The following ITGA4 variants were observed in gnomAD, a reference collection of about 807,000 sequenced individuals.
ITGA4 encodes the protein integrin subunit alpha 4, also known as integrin alpha-4.
In ITGA4, 63 loss-of-function variants were observed where a neutral mutation model predicts 133.6. The ratio of observed to expected loss-of-function variants is 0.47; its 90% CI spans 0.38 to 0.58. ITGA4 has a LOEUF of 0.58. Ranked by LOEUF, ITGA4 falls within the 20% of genes least tolerant of loss-of-function variation. The pLI, the probability that ITGA4 is intolerant of heterozygous loss-of-function variation, is 0.00. For synonymous variants in ITGA4, 483 were observed against 438.0 expected, an observed-to-expected ratio of 1.10 and a Z score of -1.28; for missense variants, 1,076 against 1,252.7, an observed-to-expected ratio of 0.86 and a Z score of 2.13.
chr2:181,458,471 T>C, intron 2 of ITGA4, 154 bp downstream of exon 2: 1 of 804,992 alleles, frequency 1.2e-6, no homozygotes, highest in South Asian at 1.7e-5. Flanking sequence ...CTTGCCTCCT[T>C]AATATAAAAG....
In ITGA4 at chr2:181,538,137, T is replaced by TATATTAAAATTCTAGTTTGTAC; in HGVS notation, c.*2613_*2634dup. ...GGTTTAAAGCATGGCCACATTTCTTTATATTAAAATTCTAGTTTGTACATT... is the reference window on the plus strand; with the variant it reads ...GGTTTAAAGCATGGCCACATTTCTTTATATTAAAATTCTAGTTTGTACATATTAAAATTCTAGTTTGTACATT... On this transcript the variant is annotated 3_prime_UTR_variant, in exon 28 of 28. Coordinates refer to ENST00000397033, the MANE Select transcript of ITGA4 (RefSeq NM_000885.6). 7.8e-7 allele frequency: 1 copy of TATATTAAAATTCTAGTTTGTAC among 1,287,006 alleles called. No homozygotes were observed. Among genetic ancestry groups the TATATTAAAATTCTAGTTTGTAC allele is most frequent in the Non-Finnish European group, 1.1e-6 (1 of 888,100 alleles). 79.7% of individuals were successfully genotyped at this position (1,287,006 alleles called of 1,614,324 possible).
chr2:181,489,642 T>C (rs1574392225), intron 10 of ITGA4, among the ~76,000 whole-genome samples: 1 of 152,188 alleles, frequency 6.6e-6, no homozygotes, highest in African/African-American at 2.4e-5. Flanking sequence ...TATCGTCAAA[T>C]CATTAAGTGA....
At chr2:181,474,195 T>C (rs1685621652) in intron 2 of ITGA4, among the ~76,000 whole-genome samples, 1 of 152,190 alleles carries the variant, frequency 6.6e-6, no homozygotes, top group Admixed American at 6.5e-5. Flanking sequence ...ACACAAATAA[T>C]TTTTTCTAAC....
At chr2:181,519,781 G>C (rs913608462) in intron 17 of ITGA4, among the ~76,000 whole-genome samples, 1 of 152,084 alleles carries the variant, frequency 6.6e-6, no homozygotes, top group Non-Finnish European at 1.5e-5. Context: ...AATTTGTATA[G>C]CATCACAGAA....
rs1686923312 is a variant in ITGA4, at chr2:181,530,523, G to C, written c.2539-1G>C. The C allele has an allele frequency of 1.9e-6, 3 of 1,610,450 alleles. No homozygotes were observed. Among genetic ancestry groups the C allele is most frequent in the Non-Finnish European group, 2.5e-6 (3 of 1,177,662 alleles). ...ATTTCTCTTGCTTTCTGTCTTCATA[G>C]ACTACTACTGGAGAATGCCACTTTG... On this transcript the variant is annotated splice_acceptor_variant, in intron 23 of 27. Transcript: ENST00000397033. LOFTEE classifies it high-confidence loss of function.
At chr2:181,525,169 T>G (rs2105767317) in intron 20 of ITGA4, 33 bp from the exon 21 acceptor site, 1 of 1,236,780 alleles carries the variant, frequency 8.1e-7, no homozygotes, top group African/African-American at 1.5e-5. Context: ...TTCTGCTTGG[T>G]GAATTCTAAC....
At chr2:181,471,450 A>G (rs989746559) in intron 2 of ITGA4, among the ~76,000 whole-genome samples, 19 of 152,204 alleles carry the variant, frequency 1.2e-4, no homozygotes, top group African/African-American at 4.6e-4. Flanking sequence ...TTCCTACAAG[A>G]TATTAATCAA....
chr2:181,519,384 T>A (rs1030621181), intron 17 of ITGA4, among the ~76,000 whole-genome samples: 1 of 152,152 alleles, frequency 6.6e-6, no homozygotes, highest in Non-Finnish European at 1.5e-5. Flanking sequence ...TTAACGCATG[T>A]ATTCATAAAA....
intron 4 of ITGA4, among the ~76,000 whole-genome samples, chr2:181,477,066 C>T (rs1331715345): frequency 6.6e-6 from 1 of 152,048 alleles, no homozygotes; most frequent in Admixed American, 6.6e-5. Context: ...TACATCAAAC[C>T]CCTACAACAC....
intron 7 of ITGA4, 118 bp downstream of exon 7, chr2:181,481,801 A>G (rs16867429): frequency 0.021 from 8,562 of 404,650 alleles, 177 homozygotes; most frequent in Non-Finnish European, 0.025. Context: ...AATGATGAAC[A>G]GATTATTACA....
chr2:181,469,857 T>C (rs946865852), intron 2 of ITGA4, among the ~76,000 whole-genome samples: 4 of 151,868 alleles, frequency 2.6e-5, no homozygotes, highest in Non-Finnish European at 5.9e-5. Flanking sequence ...CAGGTAGGAA[T>C]TGAACAATGA....
intron 10 of ITGA4, among the ~76,000 whole-genome samples, chr2:181,491,599 T>G (rs1686049343): frequency 6.6e-6 from 1 of 152,238 alleles, no homozygotes; most frequent in Non-Finnish European, 1.5e-5. Flanking sequence ...GGCTTGTTAT[T>G]TTTTTCATGT....
In ITGA4 at chr2:181,531,792, A is replaced by T. The variant is rs369168546; in HGVS notation, c.2784+16A>T. 5 of 1,577,238 alleles carry T rather than the reference A, an allele frequency of 3.2e-6. No homozygotes were observed. Among genetic ancestry groups the T allele is most frequent in the Non-Finnish European group, 4.3e-6 (5 of 1,163,042 alleles). Reference sequence around the variant, plus strand: ...TTTAGAAATGGTAAGTAAGTCTAAAACATTGACAACTTGGTGGCTAAGTTT... The same window carrying T: ...TTTAGAAATGGTAAGTAAGTCTAAATCATTGACAACTTGGTGGCTAAGTTT... On this transcript the variant is annotated intron_variant, in intron 25 of 27. Coordinates refer to ENST00000397033, the MANE Select transcript of ITGA4 (RefSeq NM_000885.6).
intron 17 of ITGA4, among the ~76,000 whole-genome samples, chr2:181,520,620 C>T (rs1686698024): frequency 6.6e-6 from 1 of 152,090 alleles, no homozygotes; most frequent in Admixed American, 6.6e-5. Context: ...CTTAAAATTT[C>T]TTGAGGCAGC....
intron 2 of ITGA4, among the ~76,000 whole-genome samples, chr2:181,463,799 G>A (rs1008560859): frequency 2.3e-4 from 35 of 152,214 alleles, no homozygotes; most frequent in Admixed American, 1.2e-3. Flanking sequence ...AGTAATTGAC[G>A]TAACCCCATT....
Position 181,482,437 on chromosome 2 carries a change from C to A in ITGA4, c.903+15C>A. The A allele has an allele frequency of 6.2e-7, 1 of 1,613,278 alleles. No individual in the cohort carries two copies. Among genetic ancestry groups the A allele is most frequent in the South Asian group, 1.1e-5 (1 of 90,994 alleles). Reference sequence around the variant, plus strand: ...AAGGTAAAAAGGTAATATGTCTCTACCTTTAGTATCTCTGTGGGCTTTTGC... The same window carrying A: ...AAGGTAAAAAGGTAATATGTCTCTAACTTTAGTATCTCTGTGGGCTTTTGC... On this transcript the variant is annotated intron_variant, in intron 8 of 27. Transcript: ENST00000397033.
chr2:181,530,792 A>C (rs927023981), intron 24 of ITGA4, 143 bp downstream of exon 24: 1 of 729,442 alleles, frequency 1.4e-6, no homozygotes. Flanking sequence ...GGAAGGAACA[A>C]GCATGGTTGG....
At chr2:181,478,709 TTTTATC>T (rs779646232) in intron 4 of ITGA4, 42 bp from the exon 5 acceptor site, 2 of 815,592 alleles carry the variant, frequency 2.5e-6, no homozygotes, top group South Asian at 4.2e-5. Context: ...ATTATGGAGA[TTTTATC>T]TTTAAGATAA....
At chr2:181,484,542 C>T (rs75553593) in intron 9 of ITGA4, among the ~76,000 whole-genome samples, 140 of 152,308 alleles carry the variant, frequency 9.2e-4, no homozygotes, top group Non-Finnish European at 1.7e-3. Flanking sequence ...TCCTTTGAAT[C>T]AATCATTCAC....
Sources: allele counts gnomAD v4.1 joint callset (sites outside exome capture counted in the v4.1 genomes callset), GRCh38; gene constraint gnomAD v4.1.1; transcripts MANE v1.5; gene names NCBI Gene and HGNC (gene_info 2026-07-23, HGNC 2026-07-21).